TEX9: variants seen among roughly 807,000 people sequenced by gnomAD.
TEX9 encodes the protein testis-expressed protein 9.
TEX9 carries 74 observed loss-of-function variants against 59.6 expected under a neutral mutation model. That is an observed-to-expected ratio of 1.24 (90% CI 1.03 to 1.51). TEX9 has a LOEUF of 1.51. Among genes scored for constraint, TEX9 ranks in the 40% most tolerant of loss-of-function variants. The pLI, the probability that TEX9 is intolerant of heterozygous loss-of-function variation, is 0.00. For synonymous variants in TEX9, 186 were observed against 152.2 expected (o/e 1.22, Z -1.64); for missense variants, 522 against 447.8 (o/e 1.17, Z -1.49).
chr15:56,311,041 C>T (rs1446251547), intron 1 of TEX9, among the ~76,000 whole-genome samples: 3 of 152,112 alleles, frequency 2.0e-5, no homozygotes, highest in African/African-American at 7.2e-5. Flanking sequence ...GGAGCTGCCT[C>T]CTTCTGCCCT....
chr15:56,292,135 G>A (rs1240164000), intron 1 of TEX9, among the ~76,000 whole-genome samples: 2 of 152,218 alleles, frequency 1.3e-5, no homozygotes, highest in African/African-American at 2.4e-5. Context: ...CATGGGTTCA[G>A]GAATGAAGGG....
intron 3 of TEX9, among the ~76,000 whole-genome samples, chr15:56,376,865 T>C (rs776713479): frequency 3.3e-5 from 5 of 152,172 alleles, no homozygotes; most frequent in African/African-American, 7.2e-5. Context: ...TGTTTTCTTA[T>C]AGTAATTTCA....
At chr15:56,390,630 TCTC>T (rs1322792938) in intron 6 of TEX9, among the ~76,000 whole-genome samples, 2 of 152,058 alleles carry the variant, frequency 1.3e-5, no homozygotes, top group Non-Finnish European at 2.9e-5. Context: ...TTGTCTGTCT[TCTC>T]CTTTTCATTA....
intron 5 of TEX9, 103 bp from the exon 6 acceptor site, chr15:56,389,215 T>C: frequency 1.2e-6 from 1 of 833,304 alleles, no homozygotes. Flanking sequence ...AAATAGCAAA[T>C]AGCAGTTTTT....
rs530185016 is a variant in TEX9, at chr15:56,412,695, T to C, written c.963+259T>C. Among the ~76,000 whole-genome samples, 2 of 152,192 alleles carry C rather than the reference T, an allele frequency of 1.3e-5. 1 individual carries two copies. Among genetic ancestry groups the C allele is most frequent in the South Asian group, 4.1e-4 (2 of 4,836 alleles). On this transcript the variant is annotated intron_variant, in intron 10 of 12. Transcript: ENST00000352903. The stretch of plus-strand genomic sequence containing the variant: ...CCAGTTTTATCAGGTGCCCATATTA[T>C]ATGTCAGACACTTTTCTAAGCTCTT...
exon 10 of TEX9, chr15:56,412,347 C>G: frequency 6.2e-7 from 1 of 1,613,212 alleles, no homozygotes; most frequent in Non-Finnish European, 8.5e-7. Flanking sequence ...TGCAAGTAGT[C>G]AAAGTGCCAC....
chr15:56,444,169 C>A (rs795794), intron 12 of TEX9, among the ~76,000 whole-genome samples: 22,633 of 151,978 alleles, frequency 0.15, 5,217 homozygotes, highest in African/African-American at 0.5. Flanking sequence ...ATCAGAATAC[C>A]TGTCCTCTGA....
At chr15:56,322,367 A>G (rs372390416) in intron 1 of TEX9, among the ~76,000 whole-genome samples, 1 of 152,146 alleles carries the variant, frequency 6.6e-6, no homozygotes, top group African/African-American at 2.4e-5. Flanking sequence ...TGGCTCTTAT[A>G]TGGAGAAGAA....
At chr15:56,341,771 C>A (rs1323400090) in intron 1 of TEX9, among the ~76,000 whole-genome samples, 1 of 151,976 alleles carries the variant, frequency 6.6e-6, no homozygotes, top group African/African-American at 2.4e-5. Context: ...TATGCAAAAA[C>A]ATTGATATAA....
At chr15:56,406,449 G>A (rs74908871) in intron 9 of TEX9, among the ~76,000 whole-genome samples, 8,841 of 152,162 alleles carry the variant, frequency 0.058, 665 homozygotes, top group East Asian at 0.37. Context: ...ACGTTTTTAT[G>A]TATACCAAAT....
At chr15:56,456,774 T>A in the TEX9 span, among the ~76,000 whole-genome samples, 2 of 152,160 alleles carry the variant, frequency 1.3e-5, no homozygotes, top group Non-Finnish European at 2.9e-5. Context: ...TTTTCAAAAA[T>A]TGTCGACATT....
intron 12 of TEX9, among the ~76,000 whole-genome samples, chr15:56,437,354 A>G (rs1411287305): frequency 6.6e-6 from 1 of 152,220 alleles, no homozygotes; most frequent in Non-Finnish European, 1.5e-5. Flanking sequence ...AACAGAACCA[A>G]TGACAAAAAA....
At chr15:56,320,433 C>G (rs756154220) in intron 1 of TEX9, among the ~76,000 whole-genome samples, 28 of 152,170 alleles carry the variant, frequency 1.8e-4, no homozygotes, top group East Asian at 1.9e-4. Flanking sequence ...CAGAGGGCTT[C>G]CTTTTTACTA....
chr15:56,427,833 T>C, intron 11 of TEX9, 94 bp downstream of exon 11: 1 of 939,280 alleles, frequency 1.1e-6, no homozygotes, highest in Non-Finnish European at 1.5e-6. Flanking sequence ...TTTTGACATC[T>C]TTACGCACTG....
At chr15:56,295,239 G>C (rs1171924820) in intron 1 of TEX9, among the ~76,000 whole-genome samples, 2 of 152,096 alleles carry the variant, frequency 1.3e-5, no homozygotes, top group African/African-American at 4.8e-5. Context: ...ATAGCAATAA[G>C]TATAAACACC....
chr15:56,348,025 A>G (rs2046505160), intron 1 of TEX9, among the ~76,000 whole-genome samples: 1 of 152,070 alleles, frequency 6.6e-6, no homozygotes, highest in African/African-American at 2.4e-5. Flanking sequence ...TCAACATGAG[A>G]CATCCATGTT....
At chr15:56,252,728 C>T (rs2044054638) in intron 1 of TEX9, among the ~76,000 whole-genome samples, 1 of 151,958 alleles carries the variant, frequency 6.6e-6, no homozygotes, top group Non-Finnish European at 1.5e-5. Flanking sequence ...TGAGGCTGAC[C>T]CTCATGGAGA....
intron 1 of TEX9, among the ~76,000 whole-genome samples, chr15:56,355,703 A>T (rs2046671445): frequency 6.6e-6 from 1 of 152,106 alleles, no homozygotes; most frequent in Non-Finnish European, 1.5e-5. Context: ...TGAGTCCACC[A>T]ATCCATGAAC....
chr15:56,261,944 T>C (rs770461000), intron 1 of TEX9, among the ~76,000 whole-genome samples: 29 of 152,130 alleles, frequency 1.9e-4, no homozygotes, highest in Admixed American at 2.6e-4. Flanking sequence ...CATGGTGCTG[T>C]ACTGACGAAA....
Sources: gnomAD v4.1 joint callset for allele counts (sites outside exome capture counted in the v4.1 genomes callset) on GRCh38, gnomAD v4.1.1 for gene constraint, MANE v1.5 for transcripts, NCBI Gene and HGNC (gene_info 2026-07-23, HGNC 2026-07-21) for gene names.